Variants in SUPV3L1 observed in about 807,000 individuals in gnomAD.
The protein encoded by SUPV3L1 is Suv3 like RNA helicase.
In SUPV3L1, 35 loss-of-function variants were observed where a neutral mutation model predicts 70.0. The ratio of observed to expected loss-of-function variants is 0.50; its 90% CI spans 0.38 to 0.66. The LOEUF is 0.66. Among genes scored for constraint, SUPV3L1 ranks in the 30% least tolerant of loss-of-function variants. SUPV3L1 has a pLI of 0.00. For missense variants in SUPV3L1, 777 were observed against 961.5 expected, an observed-to-expected ratio of 0.81 and a Z score of 2.54; for synonymous variants, 364 against 341.9, an observed-to-expected ratio of 1.06 and a Z score of -0.71.
chr10:69,193,778 C>A (rs1268225657), intron 6 of SUPV3L1, among the ~76,000 whole-genome samples: 1 of 152,080 alleles, frequency 6.6e-6, no homozygotes, highest in Non-Finnish European at 1.5e-5. Flanking sequence ...TCCTAAGTGT[C>A]ATTGTATTTT....
At chr10:69,203,852 A>G (rs1842751445) in intron 13 of SUPV3L1, among the ~76,000 whole-genome samples, 1 of 151,698 alleles carries the variant, frequency 6.6e-6, no homozygotes, top group Admixed American at 6.6e-5. Context: ...CAGCCTCCCA[A>G]GTAGCTGGGA....
At chr10:69,186,325 CAA>C (rs34197871) in intron 2 of SUPV3L1, 116 bp from the exon 3 acceptor site, 2,670 of 393,422 alleles carry the variant, frequency 6.8e-3, no homozygotes, top group East Asian at 0.033. Flanking sequence ...GCTGTACTGC[CAA>C]AAAAAAAAAA....
chr10:69,200,530 CTG>C, intron 11 of SUPV3L1, 31 bp downstream of exon 11: 2 of 1,553,034 alleles, frequency 1.3e-6, no homozygotes, highest in South Asian at 1.1e-5. Flanking sequence ...TACTGCTTCT[CTG>C]TGGAGGAGAG....
intron 5 of SUPV3L1, among the ~76,000 whole-genome samples, chr10:69,189,907 A>G (rs183285632): frequency 1.6e-3 from 237 of 152,232 alleles, no homozygotes; most frequent in Middle Eastern, 3.4e-3. Flanking sequence ...CGGCCTCCCA[A>G]AGTGCTGGGA....
In SUPV3L1 at chr10:69,180,300, C is replaced by T. The variant is rs1301049013; in HGVS notation, c.9C>T (p.Phe3=). MS[F]SRALLWARLP... is the part of the protein sequence containing the mutation. ...TAGAACCTGCGGCCTCGATGTCCTT[C>T]TCCCGTGCCCTATTGTGGGCTCGGC... Residue 3 remains phenylalanine, a synonymous_variant, in exon 1 of 15, where the codon TTC becomes TTT. Transcript: ENST00000359655. 2 of 1,613,508 alleles carry T rather than the reference C, an allele frequency of 1.2e-6. No individual in the cohort carries two copies. The highest frequency in any genetic ancestry group is 2.2e-5 in the East Asian group (1 of 44,860).
rs1397363680 is a variant in SUPV3L1, at chr10:69,180,342, G to T, written c.51G>T (p.Gln17His). 2 of 1,614,106 alleles carry T rather than the reference G, an allele frequency of 1.2e-6. No homozygotes were observed. The highest frequency in any genetic ancestry group is 1.7e-6 in the Non-Finnish European group (2 of 1,180,004). ...LLWARLPAGRQAGHRAAICSA... is the reference protein window; with the variant it reads ...LLWARLPAGRHAGHRAAICSA... ...GGGCTCGGCTCCCGGCGGGGCGCCA[G>T]GCTGGCCACCGGGCAGCCATCTGCT... Residue 17 changes from glutamine to histidine, a missense_variant, in exon 1 of 15, where the codon CAG becomes CAT. Physicochemically the swap from Gln to His is conservative, Grantham distance 24. Transcript: ENST00000359655.
rs1842515700 is a variant in SUPV3L1, at chr10:69,195,350, A to G, written c.931+85A>G. The G allele has an allele frequency of 1.1e-5, 11 of 1,004,448 alleles. No individual in the cohort carries two copies. In the South Asian group the frequency reaches 2.4e-4, roughly 22 times the overall value. The allele number at this position is 1,004,448 out of a possible 1,614,324, so 62.2% of individuals were successfully genotyped here. A position where few individuals can be genotyped will look rare whatever the true frequency, so the allele number is the denominator to read the frequency against. ...TTATCTGCTTGCCATTGCCAACCAA[A>G]TAGAGTCACCTAGAACCTTTCTTTT... is the stretch of plus-strand genomic sequence containing the variant. On this transcript the variant is annotated intron_variant, in intron 7 of 14. Transcript: ENST00000359655.
intron 3 of SUPV3L1, 93 bp from the exon 4 acceptor site, chr10:69,187,549 C>T (rs1378700539): frequency 2.3e-5 from 20 of 874,164 alleles, no homozygotes; most frequent in South Asian, 3.5e-5. Flanking sequence ...GCAGTGCCCC[C>T]GCAACTTAGC....
At chr10:69,205,174 T>C (rs1020833061) in intron 13 of SUPV3L1, among the ~76,000 whole-genome samples, 5 of 152,332 alleles carry the variant, frequency 3.3e-5, no homozygotes, top group Non-Finnish European at 7.3e-5. Context: ...CTAGAAAATA[T>C]GTTTCTTAGA....
Position 69,208,762 on chromosome 10 carries a change from G to GACA in SUPV3L1, c.2088_2089insACA (p.Gln696_Ser697insThr), listed in dbSNP as rs1227769744. 6 of 1,614,056 alleles carry GACA rather than the reference G, an allele frequency of 3.7e-6. No individual in the cohort carries two copies. In the African/African-American group the frequency reaches 6.7e-5, roughly 18 times the overall value. ...TGGAGGGCTTTCCATCAGGGAGCCA[G>GACA]TCACGATTGTCAGGAACCTTAAAGA... On this transcript the variant is annotated inframe_insertion, in exon 15 of 15. Transcript: ENST00000359655.
intron 8 of SUPV3L1, among the ~76,000 whole-genome samples, chr10:69,198,124 AT>A (rs1842589504): frequency 6.6e-6 from 1 of 152,232 alleles, no homozygotes; most frequent in Non-Finnish European, 1.5e-5. Context: ...AAAATGAAAT[AT>A]ATGAGAAAAA....
At position 69,209,091 on chromosome 10, in the gene SUPV3L1, GA is replaced by G; in HGVS notation, c.*58del. ...AATTTTGCAAATAAAAATTTATTTT[GA>G]ATCCTTTTTCCTCATATGCATTTAC... On this transcript the variant is annotated 3_prime_UTR_variant, in exon 15 of 15. Coordinates refer to ENST00000359655, the MANE Select transcript of SUPV3L1 (RefSeq NM_003171.5). 2 of 1,461,460 alleles carry G rather than the reference GA, an allele frequency of 1.4e-6. No homozygotes were observed. The highest frequency in any genetic ancestry group is 1.8e-6 in the Non-Finnish European group (2 of 1,108,444). 90.5% of individuals were successfully genotyped at this position (1,461,460 alleles called of 1,614,324 possible).
rs182310793 is a variant in SUPV3L1, at chr10:69,200,246, A to G, written c.1299-34A>G. 1.3e-3 allele frequency: 1,998 copies of G among 1,575,512 alleles called. 5 individuals are homozygous for G. Among genetic ancestry groups the G allele is most frequent in the Non-Finnish European group, 1.5e-3 (1,722 of 1,150,164 alleles). ...ACCCAAGTATTGGAGGGTTTTTCAT[A>G]CAGTCTGCAGGATCACTTTTATTTC... On this transcript the variant is annotated intron_variant, in intron 10 of 14. Coordinates refer to ENST00000359655, the MANE Select transcript of SUPV3L1 (RefSeq NM_003171.5).
chr10:69,198,524 A>G lies in SUPV3L1; in HGVS notation c.1176A>G (p.Ser392=), dbSNP rs748202395. 7 of 1,613,990 alleles carry G rather than the reference A, an allele frequency of 4.3e-6. No homozygotes were observed. In the East Asian group the frequency reaches 1.6e-4, roughly 36 times the overall value. The change falls in exon 9 of 15, where the codon TCA becomes TCG. Residue 392 remains serine, a synonymous_variant. Coordinates refer to ENST00000359655, the MANE Select transcript of SUPV3L1 (RefSeq NM_003171.5). ...SRQIEIRGLE[S]AVIYGSLPPG... ...AGATTGAAATTCGGGGATTAGAATC[A>G]GCTGTTATATATGGCAGTCTCCCAC...
At position 69,187,817 on chromosome 10, in the gene SUPV3L1, CATT is replaced by C. The variant is rs1028056417; in HGVS notation, c.572+65_572+67del. 8.7e-5 allele frequency: 99 copies of C among 1,133,754 alleles called. No homozygotes were observed. The African/African-American group carries it at 1.3e-3, about 15-fold the overall frequency. The allele number at this position is 1,133,754 out of a possible 1,614,324, so 70.2% of individuals were successfully genotyped here. A position where few individuals can be genotyped will look rare whatever the true frequency, so the allele number is the denominator to read the frequency against. On this transcript the variant is annotated intron_variant, in intron 4 of 14. Transcript: ENST00000359655. ...TTTCTAATCTTGGATGATTCGTGGTCATTATTTTTTTTTATTGTATTCTAGATA... is the reference window on the plus strand; with the variant it reads ...TTTCTAATCTTGGATGATTCGTGGTCATTTTTTTTTATTGTATTCTAGATA...
chr10:69,191,986 T>C (rs892678462), intron 6 of SUPV3L1: 11 of 378,294 alleles, frequency 2.9e-5, no homozygotes, highest in Non-Finnish European at 4.9e-5. Context: ...TTTGTATTTT[T>C]ACTAGAGACG....
At position 69,180,265 on chromosome 10, in the gene SUPV3L1, C is replaced by T. The variant is rs1842008010; in HGVS notation, c.-27C>T. The T allele has an allele frequency of 1.9e-6, 3 of 1,603,218 alleles. No homozygotes were observed. The highest frequency in any genetic ancestry group is 2.6e-6 in the Non-Finnish European group (3 of 1,173,644). Reference sequence around the variant, plus strand: ...GTCCGCCGCCGTGTCCGCGGCTGCGCCAGACAGTGTAGAACCTGCGGCCTC... The same window carrying T: ...GTCCGCCGCCGTGTCCGCGGCTGCGTCAGACAGTGTAGAACCTGCGGCCTC... On this transcript the variant is annotated 5_prime_UTR_variant, in exon 1 of 15. Transcript: ENST00000359655.
At chr10:69,207,042 T>C (rs1298571376) in intron 13 of SUPV3L1, among the ~76,000 whole-genome samples, 1 of 152,140 alleles carries the variant, frequency 6.6e-6, no homozygotes, top group Non-Finnish European at 1.5e-5. Flanking sequence ...ATTAACAAGA[T>C]AGAGAAACTT....
At chr10:69,181,533 C>G (rs1417646120) in intron 1 of SUPV3L1, among the ~76,000 whole-genome samples, 1 of 152,184 alleles carries the variant, frequency 6.6e-6, no homozygotes, top group Non-Finnish European at 1.5e-5. Flanking sequence ...TTTCACTTTA[C>G]TTGGTGCTGG....
Sources: allele counts gnomAD v4.1 joint callset (sites outside exome capture counted in the v4.1 genomes callset), GRCh38; gene constraint gnomAD v4.1.1; transcripts MANE v1.5; gene names NCBI Gene and HGNC (gene_info 2026-07-23, HGNC 2026-07-21).